Variants in TOM1L2 observed in about 807,000 individuals in gnomAD.
TOM1L2 encodes the protein TOM1-like protein 2.
Under a neutral mutation model 67.9 loss-of-function variants are expected in TOM1L2, and 31 were observed. That is an observed-to-expected ratio of 0.46 (90% confidence interval 0.34 to 0.62). The LOEUF is 0.62. Among genes scored for constraint, TOM1L2 ranks in the 20% least tolerant of loss-of-function variants. The probability of loss-of-function intolerance (pLI) is 0.01; values close to 1 mark genes in which losing one functional copy is unlikely to be tolerated. For missense variants in TOM1L2, 606 were observed against 663.5 expected (o/e 0.91, Z 0.95); for synonymous variants, 256 against 254.0 (o/e 1.01, Z -0.07).
chr17:17,920,434 G>A (rs1193415459), intron 1 of TOM1L2, among the ~76,000 whole-genome samples: 5 of 146,400 alleles, frequency 3.4e-5, no homozygotes, highest in Non-Finnish European at 5.9e-5. Flanking sequence ...GCCGGCTCCC[G>A]GGTTCAAGCA....
At chr17:17,862,380 C>T in intron 11 of TOM1L2, 2 of 201,604 alleles carry the variant, frequency 9.9e-6, no homozygotes, top group Non-Finnish European at 2.0e-5. Flanking sequence ...GCTGCACCCT[C>T]CTGCTTCCAA....
Position 17,875,626 on chromosome 17 carries a change from C to T in TOM1L2, c.777+4001G>A, listed in dbSNP as rs183935738. Among the ~76,000 whole-genome samples, 68 of 152,354 alleles carry T rather than the reference C, an allele frequency of 4.5e-4. No homozygotes were observed. In the East Asian group the frequency reaches 0.011, roughly 25 times the overall value. Reference sequence around the variant, plus strand: ...ACAGCTGGTCACTTGTACAAAAGCCCTCCAACTATTAGAACACCTTGGTAA... The same window carrying T: ...ACAGCTGGTCACTTGTACAAAAGCCTTCCAACTATTAGAACACCTTGGTAA... On this transcript the variant is annotated intron_variant, in intron 7 of 14. Transcript: ENST00000379504.
At chr17:17,950,867 C>T (rs529542526) in intron 1 of TOM1L2, among the ~76,000 whole-genome samples, 17 of 152,252 alleles carry the variant, frequency 1.1e-4, no homozygotes, top group African/African-American at 4.1e-4. Flanking sequence ...ACTGCAAGAT[C>T]TGGGAAAACC....
At chr17:17,956,105 C>A (rs988702832) in intron 1 of TOM1L2, among the ~76,000 whole-genome samples, 36 of 152,166 alleles carry the variant, frequency 2.4e-4, no homozygotes, top group African/African-American at 8.0e-4. Flanking sequence ...CTCCCCCGCA[C>A]GAAAAAGGAC....
intron 1 of TOM1L2, among the ~76,000 whole-genome samples, chr17:17,943,770 C>T (rs1489538353): frequency 1.3e-5 from 2 of 152,210 alleles, no homozygotes; most frequent in African/African-American, 2.4e-5. Flanking sequence ...ATAAGGTCTA[C>T]ACTCCTCAAC....
intron 2 of TOM1L2, among the ~76,000 whole-genome samples, chr17:17,898,951 A>G (rs2038714370): frequency 6.6e-6 from 1 of 152,242 alleles, no homozygotes; most frequent in South Asian, 2.1e-4. Context: ...TCTTTGCATA[A>G]CAGTGTACAA....
intron 7 of TOM1L2, among the ~76,000 whole-genome samples, chr17:17,874,290 A>C (rs1241510472): frequency 6.8e-6 from 1 of 147,766 alleles, no homozygotes; most frequent in Non-Finnish European, 1.5e-5. Context: ...TAATATGTTG[A>C]GATGGAGTCT....
intron 1 of TOM1L2, among the ~76,000 whole-genome samples, chr17:17,917,684 C>T (rs1384830344): frequency 6.6e-6 from 1 of 151,170 alleles, no homozygotes; most frequent in Non-Finnish European, 1.5e-5. Context: ...CTTCCCAGGC[C>T]AGCTCATGCC....
chr17:17,878,516 G>A (rs1294768453), intron 7 of TOM1L2, among the ~76,000 whole-genome samples: 1 of 152,184 alleles, frequency 6.6e-6, no homozygotes, highest in African/African-American at 2.4e-5. Context: ...AGAGCCGATG[G>A]CTTTGGAGTA....
chr17:17,857,177 T>C (rs1422553862), intron 12 of TOM1L2, among the ~76,000 whole-genome samples: 1 of 152,164 alleles, frequency 6.6e-6, no homozygotes, highest in Non-Finnish European at 1.5e-5. Context: ...AGGGTCTCGA[T>C]CTCCTGACCT....
At chr17:17,926,182 A>G (rs972138323) in intron 1 of TOM1L2, among the ~76,000 whole-genome samples, 3 of 151,890 alleles carry the variant, frequency 2.0e-5, no homozygotes, top group Non-Finnish European at 4.4e-5. Flanking sequence ...TGGAGAAAAA[A>G]AAAAAAAAAA....
chr17:17,924,561 G>A (rs1042346301), intron 1 of TOM1L2, among the ~76,000 whole-genome samples: 3 of 152,036 alleles, frequency 2.0e-5, no homozygotes, highest in African/African-American at 7.2e-5. Flanking sequence ...TTAAGCCCAG[G>A]AGTTTGAGAC....
At chr17:17,966,831 A>G (rs761599783) in intron 1 of TOM1L2, among the ~76,000 whole-genome samples, 1 of 152,222 alleles carries the variant, frequency 6.6e-6, no homozygotes, top group Non-Finnish European at 1.5e-5. Flanking sequence ...CTTAATAATT[A>G]TAAGTTCCTT....
chr17:17,903,805 G>C (rs924358426), intron 2 of TOM1L2, among the ~76,000 whole-genome samples: 2 of 151,974 alleles, frequency 1.3e-5, no homozygotes, highest in Admixed American at 1.3e-4. Context: ...CAAATCAGGA[G>C]GGGAAGGGGT....
intron 1 of TOM1L2, among the ~76,000 whole-genome samples, chr17:17,932,479 G>A (rs572590366): frequency 6.6e-6 from 1 of 152,018 alleles, no homozygotes; most frequent in Non-Finnish European, 1.5e-5. Context: ...TGTTTCCTGG[G>A]GATAGATGAA....
At chr17:17,867,341 G>A (rs2036908934) in intron 8 of TOM1L2, among the ~76,000 whole-genome samples, 1 of 152,206 alleles carries the variant, frequency 6.6e-6, no homozygotes, top group Non-Finnish European at 1.5e-5. Context: ...GGGGAAAGGG[G>A]GTGGGGCACA....
chr17:17,856,219 T>C (rs2036244893), intron 12 of TOM1L2, among the ~76,000 whole-genome samples: 1 of 152,238 alleles, frequency 6.6e-6, no homozygotes, highest in South Asian at 2.1e-4. Flanking sequence ...ATGGACATGG[T>C]TTCCAGAAGC....
At chr17:17,870,608 C>A (rs1417367277) in intron 7 of TOM1L2, among the ~76,000 whole-genome samples, 1 of 152,192 alleles carries the variant, frequency 6.6e-6, no homozygotes, top group East Asian at 1.9e-4. Context: ...CACAGCTCAG[C>A]CTCAAAACGA....
intron 1 of TOM1L2, among the ~76,000 whole-genome samples, chr17:17,956,519 C>T (rs1055611638): frequency 6.6e-6 from 1 of 152,204 alleles, no homozygotes. Context: ...CTTGGGCGGT[C>T]GATGGGACCG....
Sources: gnomAD v4.1 joint callset for allele counts (sites outside exome capture counted in the v4.1 genomes callset) on GRCh38, gnomAD v4.1.1 for gene constraint, MANE v1.5 for transcripts, NCBI Gene and HGNC (gene_info 2026-07-23, HGNC 2026-07-21) for gene names.